The following AKAP11 variants were observed in gnomAD, a reference collection of about 807,000 sequenced individuals.
AKAP11 encodes A-kinase anchoring protein 11.
AKAP11 carries 36 observed loss-of-function variants against 146.1 expected under a neutral mutation model. The ratio of observed to expected loss-of-function variants is 0.25; its 90% CI spans 0.19 to 0.33. The LOEUF is 0.33. Ranked by LOEUF, AKAP11 falls within the 10% of genes least tolerant of loss-of-function variation. The probability of loss-of-function intolerance (pLI) is 1.00; values close to 1 mark genes in which losing one functional copy is unlikely to be tolerated. For synonymous variants in AKAP11, 780 were observed against 786.5 expected (o/e 0.99, Z 0.14); for missense variants, 2,201 against 2,197.0 (o/e 1.00, Z -0.04).
At position 42,296,964 on chromosome 13, in the gene AKAP11, A is replaced by C. The variant is rs1436517477; in HGVS notation, c.217-84A>C. 3 of 1,280,104 alleles carry C rather than the reference A, an allele frequency of 2.3e-6. No individual in the cohort carries two copies. The African/African-American group carries it at 4.7e-5, about 20-fold the overall frequency. 79.3% of individuals were successfully genotyped at this position (1,280,104 alleles called of 1,614,324 possible). ...AAATTCACTAGCCAGTAGACCTTAAAATTTTTGGATAGGGTCCACATTATA... is the reference window on the plus strand; with the variant it reads ...AAATTCACTAGCCAGTAGACCTTAACATTTTTGGATAGGGTCCACATTATA... On this transcript the variant is annotated intron_variant, in intron 5 of 12. Coordinates refer to ENST00000025301, the MANE Select transcript of AKAP11 (RefSeq NM_016248.4).
intron 3 of AKAP11, among the ~76,000 whole-genome samples, chr13:42,292,015 C>T (rs565040651): frequency 6.6e-6 from 1 of 152,316 alleles, no homozygotes; most frequent in Admixed American, 6.5e-5. Flanking sequence ...GCTCCCACAT[C>T]ATCTCATTCA....
At chr13:42,313,492 A>G (rs575584142) in intron 10 of AKAP11, among the ~76,000 whole-genome samples, 9 of 152,302 alleles carry the variant, frequency 5.9e-5, no homozygotes, top group African/African-American at 1.9e-4. Flanking sequence ...AAGTATAGGT[A>G]AAAAGTGTTT....
rs775700984 is a variant in AKAP11, at chr13:42,299,493, A to G, written c.747A>G (p.Ser249=). ...SGQQKSLAKP[S]TSSVNVLGHK... The stretch of plus-strand genomic sequence containing the variant: ...AGCAGAAGTCATTGGCTAAACCCTC[A>G]ACTTCCTCAGTGAATGTCCTGGGAC... Residue 249 remains serine, a synonymous_variant, in exon 8 of 13, where the codon TCA becomes TCG. Coordinates refer to ENST00000025301, the MANE Select transcript of AKAP11 (RefSeq NM_016248.4). 1.1e-5 allele frequency: 17 copies of G among 1,613,844 alleles called. No individual in the cohort carries two copies. Among genetic ancestry groups the G allele is most frequent in the Middle Eastern group, 1.6e-4 (1 of 6,082 alleles).
rs1195379573 is a variant in AKAP11, at chr13:42,300,455, A to G, written c.1709A>G (p.Gln570Arg). The change falls in exon 8 of 13, where the codon CAG becomes CGG. Residue 570 changes from glutamine to arginine, a missense_variant. By Grantham distance (43) the Gln-to-Arg change is conservative. This residue lies in a region of AKAP11 where 1,867 missense variants were observed against 1,833.5 expected (regional missense o/e 1.02). Transcript: ENST00000025301. ...TTTGGCAGTGCATTTAAAGACTTAC[A>G]GAAAGGAGTCTCTTCATGTACCAAT... ...KSFGSAFKDL[Q>R]KGVSSCTNAL... 6.2e-7 allele frequency: 1 copy of G among 1,614,012 alleles called. No individual in the cohort carries two copies. Among genetic ancestry groups the G allele is most frequent in the Non-Finnish European group, 8.5e-7 (1 of 1,179,952 alleles).
chr13:42,313,833 G>T, intron 10 of AKAP11, 61 bp from the exon 11 acceptor site: 1 of 1,437,146 alleles, frequency 7.0e-7, no homozygotes, highest in Non-Finnish European at 9.7e-7. Context: ...TTAAGAATTT[G>T]TTTTGATACC....
intron 9 of AKAP11, 107 bp from the exon 10 acceptor site, chr13:42,312,940 C>G: frequency 1.2e-6 from 1 of 867,104 alleles, no homozygotes; most frequent in Non-Finnish European, 1.8e-6. Context: ...ACTGTGGCAG[C>G]TTCAGAACAT....
In AKAP11 at chr13:42,302,164, A is replaced by G. The variant is rs753933295; in HGVS notation, c.3418A>G (p.Thr1140Ala). The G allele has an allele frequency of 1.2e-6, 2 of 1,614,060 alleles. No homozygotes were observed. The highest frequency in any genetic ancestry group is 2.2e-5 in the South Asian group (2 of 91,082). ...GTTTGCACCTGCTACACCACCTTCT[A>G]CTCCACACAACTCATCTGTTGGTAG... ...KEFAPATPPS[T>A]PHNSSVGSLS... Residue 1140 changes from threonine to alanine, a missense_variant, in exon 8 of 13, where the codon ACT (threonine) becomes GCT (alanine). By Grantham distance (58) the Thr-to-Ala change is moderately conservative. Coordinates refer to ENST00000025301, the MANE Select transcript of AKAP11 (RefSeq NM_016248.4).
chr13:42,283,914 C>T (rs1273221861), intron 1 of AKAP11, among the ~76,000 whole-genome samples: 1 of 152,140 alleles, frequency 6.6e-6, no homozygotes, highest in East Asian at 1.9e-4. Context: ...TTTAATTACT[C>T]TCTTGTTTCT....
Position 42,317,701 on chromosome 13 carries a change from C to A in AKAP11, c.5565+13C>A. 2 of 1,611,046 alleles carry A rather than the reference C, an allele frequency of 1.2e-6. No individual in the cohort carries two copies. Among genetic ancestry groups the A allele is most frequent in the Middle Eastern group, 3.3e-4 (2 of 6,040 alleles). ...GGAGTTTATGCTAGTAAGTACCTAC[C>A]TTACAGAGTGTGAGGATACATTTAA... On this transcript the variant is annotated intron_variant, in intron 12 of 12. Transcript: ENST00000025301.
intron 7 of AKAP11, 140 bp from the exon 8 acceptor site, chr13:42,299,223 G>T: frequency 2.7e-6 from 2 of 732,716 alleles, no homozygotes; most frequent in Non-Finnish European, 4.3e-6. Flanking sequence ...ATGTTACTTG[G>T]GTGAATCTTT....
chr13:42,304,785 C>T (rs1167047623), intron 8 of AKAP11, among the ~76,000 whole-genome samples: 3 of 151,206 alleles, frequency 2.0e-5, no homozygotes, highest in Non-Finnish European at 2.9e-5. Flanking sequence ...GAGTCTCGCA[C>T]TGTTGCCCAG....
rs936749889 is a variant in AKAP11, at chr13:42,303,451, T to C, written c.4705T>C (p.Ser1569Pro). The stretch of plus-strand genomic sequence containing the variant: ...GTTCCGAGTGTCTGAGACCACAAAA[T>C]CAGCAGACAGGGTCACTTATGCAGA... ...TVFRVSETTK[S>P]ADRVTYAEKL... The change falls in exon 8 of 13, where the codon TCA becomes CCA. Residue 1569 changes from serine (S) to proline (P), a missense_variant. Physicochemically the swap from Ser to Pro is moderately conservative, Grantham distance 74. Around this residue, in one of 3 missense-constraint regions of AKAP11, gnomAD observed 1,867 missense variants for 1,833.5 expected, o/e 1.02. Transcript: ENST00000025301. 1.2e-6 allele frequency: 2 copies of C among 1,614,136 alleles called. No homozygotes were observed. Among genetic ancestry groups the C allele is most frequent in the African/African-American group, 2.7e-5 (2 of 75,038 alleles).
At chr13:42,288,241 CA>C (rs1295558074) in intron 3 of AKAP11, among the ~76,000 whole-genome samples, 1 of 152,026 alleles carries the variant, frequency 6.6e-6, no homozygotes, top group Non-Finnish European at 1.5e-5. Context: ...ATTAATGTTG[CA>C]AAATTAAAAA....
At chr13:42,309,918 T>C (rs759197996) in intron 9 of AKAP11, among the ~76,000 whole-genome samples, 3 of 152,218 alleles carry the variant, frequency 2.0e-5, no homozygotes, top group Non-Finnish European at 4.4e-5. Flanking sequence ...TGAACAACTC[T>C]GTGCTGAATA....
chr13:42,286,668 G>A (rs745372755), intron 3 of AKAP11, among the ~76,000 whole-genome samples: 4 of 152,110 alleles, frequency 2.6e-5, no homozygotes, highest in Non-Finnish European at 5.9e-5. Context: ...AGGCTGTCAG[G>A]TGTAAGCTTT....
chr13:42,319,045 A>G (rs1323049835), intron 12 of AKAP11, 43 bp from the exon 13 acceptor site: 3 of 1,574,944 alleles, frequency 1.9e-6, no homozygotes, highest in East Asian at 2.3e-5. Context: ...GCTTTGTTAT[A>G]AAATTGTTTT....
Position 42,300,673 on chromosome 13 carries a change from G to A in AKAP11, c.1927G>A (p.Val643Ile), listed in dbSNP as rs1444855430. The stretch of plus-strand genomic sequence containing the variant: ...AAAGAAGCAGATATTCACAAACACA[G>A]TTGCTAGGTTTGCTGCAGATCTTGC... Reference protein sequence around the residue: ...YVKKQIFTNTVARFAADLAEE... With the variant: ...YVKKQIFTNTIARFAADLAEE... The change falls in exon 8 of 13, where the codon GTT (valine) becomes ATT (isoleucine). Residue 643 changes from valine to isoleucine, a missense_variant. By Grantham distance (29) the Val-to-Ile change is conservative. This residue lies in a region of AKAP11 where 1,867 missense variants were observed against 1,833.5 expected (regional missense o/e 1.02). Transcript: ENST00000025301. 4.3e-6 allele frequency: 7 copies of A among 1,614,110 alleles called. No individual in the cohort carries two copies. The highest frequency in any genetic ancestry group is 1.1e-5 in the South Asian group (1 of 91,082).
chr13:42,286,505 TTGAATTA>T (rs1959167555), intron 3 of AKAP11, 106 bp downstream of exon 3: 2 of 760,812 alleles, frequency 2.6e-6, no homozygotes, highest in Non-Finnish European at 4.1e-6. Flanking sequence ...ATCTTATTAT[TTGAATTA>T]GTAACATTGA....
intron 3 of AKAP11, among the ~76,000 whole-genome samples, chr13:42,287,418 G>A (rs982243981): frequency 2.6e-5 from 4 of 151,870 alleles, no homozygotes; most frequent in African/African-American, 9.7e-5. Context: ...CGAGTAGCTG[G>A]GACTACAGGT....
Sources: allele counts gnomAD v4.1 joint callset (sites outside exome capture counted in the v4.1 genomes callset), GRCh38; gene constraint gnomAD v4.1.1; regional missense constraint gnomAD v4.1.1; transcripts MANE v1.5; gene names NCBI Gene and HGNC (gene_info 2026-07-23, HGNC 2026-07-21).